CEMIP2: variants seen among roughly 807,000 people sequenced by gnomAD.
CEMIP2 encodes cell surface hyaluronidase CEMIP2.
CEMIP2 carries 79 observed loss-of-function variants against 146.9 expected under a neutral mutation model. The ratio of observed to expected loss-of-function variants is 0.54; its 90% CI spans 0.45 to 0.65. The LOEUF is 0.65. CEMIP2 is among the 30% of genes least tolerant of loss of function. The probability of loss-of-function intolerance (pLI) is 0.00; values close to 1 mark genes in which losing one functional copy is unlikely to be tolerated. For synonymous variants in CEMIP2, 601 were observed against 606.3 expected, an observed-to-expected ratio of 0.99 and a Z score of 0.13; for missense variants, 1,596 against 1,696.2, an observed-to-expected ratio of 0.94 and a Z score of 1.04.
At position 71,698,141 on chromosome 9, in the gene CEMIP2, C is replaced by G. The variant is rs141009339; in HGVS notation, c.3441G>C (p.Gln1147His). The change falls in exon 20 of 24, where the codon CAG becomes CAC. Residue 1147 changes from glutamine to histidine, a missense_variant. Coordinates refer to ENST00000377044, the MANE Select transcript of CEMIP2 (RefSeq NM_013390.3). Reference protein sequence around the residue: ...HRHGHSYCSSQGCERVKIQAA... With the variant: ...HRHGHSYCSSHGCERVKIQAA... ...CTTGGATCTTGACTCTTTCACATCC[C>G]TGAGATGAACAGTAACTGTGGCCAT... The G allele has an allele frequency of 2.4e-4, 380 of 1,614,100 alleles. No individual in the cohort carries two copies. In the African/African-American group the frequency reaches 4.5e-3, roughly 19 times the overall value.
In CEMIP2 at chr9:71,754,276, GA is replaced by G. The variant is rs1345924574; in HGVS notation, c.-12-3892del. 5.3e-5 allele frequency among the ~76,000 whole-genome samples: 8 copies of G among 152,288 alleles called. No homozygotes were observed. The East Asian group carries it at 1.5e-3, about 29-fold the overall frequency. ...ACTTGTTTGGAAGGCAAGTGAAATT[GA>G]CCAAGTTTCCCAGGCAATCTCAACA... On this transcript the variant is annotated intron_variant, in intron 1 of 23. Transcript: ENST00000377044.
At chr9:71,706,578 T>C (rs970294688) in intron 17 of CEMIP2, among the ~76,000 whole-genome samples, 7 of 152,278 alleles carry the variant, frequency 4.6e-5, no homozygotes, top group Admixed American at 3.3e-4. Context: ...CTTTACTGAG[T>C]GAATGTTGAA....
chr9:71,691,053 C>T (rs189973342), intron 21 of CEMIP2, among the ~76,000 whole-genome samples: 5 of 152,208 alleles, frequency 3.3e-5, no homozygotes, highest in African/African-American at 9.7e-5. Flanking sequence ...AATGTTCTTA[C>T]CACTACACCT....
At chr9:71,737,169 A>AAAAAAAGAAAAAAAAAAAG in intron 5 of CEMIP2, among the ~76,000 whole-genome samples, 1 of 149,366 alleles carries the variant, frequency 6.7e-6, no homozygotes, top group Non-Finnish European at 1.5e-5. Flanking sequence ...AAAAAAAAAA[A>AAAAAAAGAAAAAAAAAAAG]AAAAGAAAGA....
intron 4 of CEMIP2, among the ~76,000 whole-genome samples, chr9:71,740,724 C>T (rs967931009): frequency 6.6e-6 from 1 of 152,184 alleles, no homozygotes; most frequent in Admixed American, 6.5e-5. Flanking sequence ...AGGTTGGGTA[C>T]AGCATTTGTA....
chr9:71,732,270 T>C (rs1823640712), intron 7 of CEMIP2, 81 bp downstream of exon 7: 1 of 1,405,742 alleles, frequency 7.1e-7, no homozygotes, highest in Non-Finnish European at 9.6e-7. Flanking sequence ...CATTTATATC[T>C]TGTTCCAAAA....
intron 2 of CEMIP2, among the ~76,000 whole-genome samples, chr9:71,749,237 T>C (rs990537218): frequency 2.6e-5 from 4 of 152,230 alleles, no homozygotes; most frequent in African/African-American, 7.2e-5. Flanking sequence ...AACTTATATA[T>C]CCTAAAGGAT....
chr9:71,715,382 C>G (rs1422129469), intron 14 of CEMIP2, among the ~76,000 whole-genome samples: 2 of 150,868 alleles, frequency 1.3e-5, no homozygotes, highest in African/African-American at 4.9e-5. Context: ...TAGCTGGGAC[C>G]ACACATGCGT....
chr9:71,737,155 C>CAAAAAAA (rs34623620), intron 5 of CEMIP2, among the ~76,000 whole-genome samples: 1 of 107,070 alleles, frequency 9.3e-6, no homozygotes, highest in Non-Finnish European at 1.9e-5. Flanking sequence ...AGATCTTTCT[C>CAAAAAAA]AAAAAAAAAA....
At chr9:71,720,148 G>A (rs1392750846) in intron 12 of CEMIP2, among the ~76,000 whole-genome samples, 4 of 152,106 alleles carry the variant, frequency 2.6e-5, no homozygotes, top group Non-Finnish European at 1.5e-5. Context: ...AATGTACTAG[G>A]TGGTTCTAAT....
At chr9:71,689,363 C>T (rs575285963) in intron 22 of CEMIP2, among the ~76,000 whole-genome samples, 5 of 152,268 alleles carry the variant, frequency 3.3e-5, no homozygotes, top group South Asian at 2.1e-4. Context: ...TAAATGAAAG[C>T]GGGTGTATAA....
intron 16 of CEMIP2, among the ~76,000 whole-genome samples, chr9:71,711,233 C>A (rs373666543): frequency 3.3e-5 from 5 of 152,008 alleles, no homozygotes; most frequent in East Asian, 1.9e-4. Context: ...TATCTGCAAT[C>A]TTCATAAAAA....
At chr9:71,688,883 T>TC (rs1326259996) in intron 22 of CEMIP2, among the ~76,000 whole-genome samples, 2 of 152,166 alleles carry the variant, frequency 1.3e-5, no homozygotes, top group Non-Finnish European at 2.9e-5. Flanking sequence ...CTCCATACCT[T>TC]CTTAACACTT....
chr9:71,733,476 T>G (rs1823679212), intron 6 of CEMIP2, among the ~76,000 whole-genome samples: 1 of 152,194 alleles, frequency 6.6e-6, no homozygotes, highest in Non-Finnish European at 1.5e-5. Context: ...GTTTATGCCC[T>G]GTATTATCAA....
At chr9:71,742,091 C>T (rs1342222647) in intron 4 of CEMIP2, among the ~76,000 whole-genome samples, 1 of 152,058 alleles carries the variant, frequency 6.6e-6, no homozygotes. Flanking sequence ...TGTCAACTTC[C>T]CACTCTAGAA....
At chr9:71,755,076 A>C (rs549675979) in intron 1 of CEMIP2, among the ~76,000 whole-genome samples, 2 of 152,238 alleles carry the variant, frequency 1.3e-5, no homozygotes, top group East Asian at 3.9e-4. Flanking sequence ...TCAAAGTGAG[A>C]GAGACTTGTA....
At chr9:71,761,529 A>G (rs905274107) in intron 1 of CEMIP2, among the ~76,000 whole-genome samples, 1 of 152,252 alleles carries the variant, frequency 6.6e-6, no homozygotes, top group African/African-American at 2.4e-5. Flanking sequence ...TAAAGTTTCT[A>G]TCAATGGCAG....
intron 17 of CEMIP2, 69 bp from the exon 18 acceptor site, chr9:71,704,872 C>G: frequency 6.8e-7 from 1 of 1,476,718 alleles, no homozygotes; most frequent in Non-Finnish European, 9.4e-7. Context: ...ACATTTTCAG[C>G]ACAAAGTCAA....
At chr9:71,745,619 T>A in intron 3 of CEMIP2, 40 bp from the exon 4 acceptor site, 1 of 1,513,560 alleles carries the variant, frequency 6.6e-7, no homozygotes, top group Non-Finnish European at 8.8e-7. Context: ...TTCTAAATCA[T>A]CTTTCTGAGA....
Sources: gnomAD v4.1 joint callset for allele counts (sites outside exome capture counted in the v4.1 genomes callset) on GRCh38, gnomAD v4.1.1 for gene constraint, MANE v1.5 for transcripts, NCBI Gene and HGNC (gene_info 2026-07-23, HGNC 2026-07-21) for gene names.